The following SPG21 variants were observed in gnomAD, a reference collection of about 807,000 sequenced individuals.
SPG21 encodes SPG21 abhydrolase domain containing, maspardin.
In SPG21, 26 loss-of-function variants were observed where a neutral mutation model predicts 38.9. The observed-to-expected ratio is 0.67, with a 90% confidence interval of 0.49 to 0.93. The LOEUF (loss-of-function observed/expected upper bound fraction) is 0.93. Ranked by LOEUF, SPG21 falls within the 40% of genes least tolerant of loss-of-function variation. SPG21 has a pLI of 0.00. For synonymous variants in SPG21, 136 were observed against 128.9 expected, an observed-to-expected ratio of 1.05 and a Z score of -0.37; for missense variants, 333 against 376.5, an observed-to-expected ratio of 0.88 and a Z score of 0.96.
chr15:64,968,800 C>A (rs2085601257), intron 7 of SPG21, among the ~76,000 whole-genome samples: 5 of 152,134 alleles, frequency 3.3e-5, no homozygotes, highest in Admixed American at 3.3e-4. Flanking sequence ...CTCTTTGCTG[C>A]CCATATATGT....
At chr15:64,968,812 C>T (rs1443014005) in intron 7 of SPG21, among the ~76,000 whole-genome samples, 1 of 152,130 alleles carries the variant, frequency 6.6e-6, no homozygotes, top group Admixed American at 6.6e-5. Context: ...CATATATGTG[C>T]AATATATGGT....
intron 4 of SPG21, among the ~76,000 whole-genome samples, chr15:64,975,715 G>A (rs906339699): frequency 6.6e-6 from 1 of 152,046 alleles, no homozygotes; most frequent in South Asian, 2.1e-4. Context: ...CAACCCAAAT[G>A]TGCATCAGCT....
intron 1 of SPG21, among the ~76,000 whole-genome samples, chr15:64,985,365 T>C (rs2085970769): frequency 6.6e-6 from 1 of 152,188 alleles, no homozygotes; most frequent in African/African-American, 2.4e-5. Context: ...TATCTGTTGA[T>C]TGAACGAATA....
intron 6 of SPG21, 30 bp downstream of exon 6, chr15:64,970,084 G>C: frequency 6.5e-7 from 1 of 1,545,516 alleles, no homozygotes. Context: ...CCAATACAAT[G>C]TGTCCCCAAC....
intron 3 of SPG21, among the ~76,000 whole-genome samples, chr15:64,980,539 C>A (rs999598691): frequency 3.9e-5 from 6 of 152,028 alleles, no homozygotes; most frequent in African/African-American, 1.5e-4. Flanking sequence ...GAGTTCGAGA[C>A]CAGCCTGGCC....
intron 5 of SPG21, among the ~76,000 whole-genome samples, chr15:64,973,701 G>A (rs1354277096): frequency 6.6e-6 from 1 of 152,056 alleles, no homozygotes; most frequent in East Asian, 1.9e-4. Flanking sequence ...CGGCCGCCTC[G>A]GCCTCCCAAA....
chr15:64,977,828 T>C (rs1041707000), intron 3 of SPG21, among the ~76,000 whole-genome samples: 2 of 151,938 alleles, frequency 1.3e-5, no homozygotes, highest in Non-Finnish European at 1.5e-5. Flanking sequence ...GAATTCCTTT[T>C]TTTTGTTTGT....
At chr15:64,971,984 A>G (rs1340601871) in intron 5 of SPG21, among the ~76,000 whole-genome samples, 1 of 152,100 alleles carries the variant, frequency 6.6e-6, no homozygotes, top group Admixed American at 6.5e-5. Flanking sequence ...ATCTTTACGG[A>G]TTTCTATATA....
At chr15:64,985,482 G>T (rs777415822) in intron 1 of SPG21, among the ~76,000 whole-genome samples, 1 of 152,228 alleles carries the variant, frequency 6.6e-6, no homozygotes, top group Non-Finnish European at 1.5e-5. Flanking sequence ...CTTTGCTCAG[G>T]CATCTGTGCT....
intron 1 of SPG21, among the ~76,000 whole-genome samples, chr15:64,988,051 C>T (rs1258253956): frequency 6.6e-6 from 1 of 151,360 alleles, no homozygotes; most frequent in Non-Finnish European, 1.5e-5. Context: ...ACAAACAAAA[C>T]AGCAACAACA....
intron 7 of SPG21, among the ~76,000 whole-genome samples, chr15:64,968,036 T>C (rs1207246734): frequency 6.6e-6 from 1 of 152,146 alleles, no homozygotes; most frequent in Non-Finnish European, 1.5e-5. Context: ...ATTGGTTTTA[T>C]TGGTAGATAT....
In SPG21 at chr15:64,969,310, T is replaced by C. The variant is rs1484159808; in HGVS notation, c.614A>G (p.Gln205Arg). ...ELASRLTLNC[Q>R]NSYVEPHKIR... ...TTTATGAGGTTCCACATAAGAATTT[T>C]GACAATTCAAGGTAAGTCTTGAAGC... The change falls in exon 7 of 9, where the codon CAA becomes CGA. Residue 205 changes from glutamine (Q) to arginine (R), a missense_variant. Transcript: ENST00000204566. 1.2e-6 allele frequency: 2 copies of C among 1,614,054 alleles called. No individual in the cohort carries two copies. Among genetic ancestry groups the C allele is most frequent in the African/African-American group, 2.7e-5 (2 of 74,956 alleles).
intron 8 of SPG21, among the ~76,000 whole-genome samples, chr15:64,964,135 C>T (rs2085500260): frequency 4.6e-5 from 7 of 152,152 alleles, no homozygotes; most frequent in Admixed American, 3.9e-4. Flanking sequence ...GAAAACATCA[C>T]CATAGTGGAC....
Position 64,963,680 on chromosome 15 carries a change from G to T in SPG21, c.867C>A (p.Val289=). ...TCTGCACCTCAAGCTCCTCGGCACT[G>T]ACCATTGATGGGTCAATGGCCGCGT... The part of the protein sequence containing the change: ...TKYAAIDPSM[V]SAEELEVQKG... The change falls in exon 9 of 9, where the codon GTC becomes GTA. Residue 289 remains valine, a synonymous_variant. Coordinates refer to ENST00000204566, the MANE Select transcript of SPG21 (RefSeq NM_016630.7). The T allele has an allele frequency of 6.2e-7, 1 of 1,614,158 alleles. No individual in the cohort carries two copies. Among genetic ancestry groups the T allele is most frequent in the South Asian group, 1.1e-5 (1 of 91,072 alleles).
Position 64,965,454 on chromosome 15 carries a change from C to G in SPG21, c.676G>C (p.Asp226His), listed in dbSNP as rs1362786999. ...GCTTCAGTTGAAAGCGCACTCTGAT[C>G]AAACACCTTTAAAAAACACAAAGCT... ...DIPVTIMDVF[D>H]QSALSTEAKE... Residue 226 changes from aspartate (D) to histidine (H), a missense_variant, in exon 8 of 9, where the codon GAT (aspartate) becomes CAT (histidine). Coordinates refer to ENST00000204566, the MANE Select transcript of SPG21 (RefSeq NM_016630.7). 3.1e-6 allele frequency: 5 copies of G among 1,613,976 alleles called. No individual in the cohort carries two copies. The highest frequency in any genetic ancestry group is 4.2e-6 in the Non-Finnish European group (5 of 1,180,002).
In SPG21 at chr15:64,971,493, C is replaced by T. The variant is rs901352739; in HGVS notation, c.453-1271G>A. ...GATGGAGCTTGCAGTGAGCCAAGAT[C>T]GTGCCATGGCACTCCAGCCTGGGCG... is the stretch of plus-strand genomic sequence containing the variant. On this transcript the variant is annotated intron_variant, in intron 5 of 8. Transcript: ENST00000204566. Among the ~76,000 whole-genome samples, 4 of 151,140 alleles carry T rather than the reference C, an allele frequency of 2.6e-5. No individual in the cohort carries two copies. The South Asian group carries it at 6.2e-4, about 24-fold the overall frequency.
intron 1 of SPG21, among the ~76,000 whole-genome samples, chr15:64,988,253 C>T (rs1477068156): frequency 6.6e-6 from 1 of 152,024 alleles, no homozygotes; most frequent in Non-Finnish European, 1.5e-5. Context: ...ACAAAAAAAC[C>T]TGCCAGTTGT....
chr15:64,974,575 G>T (rs1555400182), intron 5 of SPG21, 27 bp downstream of exon 5: 1 of 1,613,742 alleles, frequency 6.2e-7, no homozygotes, highest in African/African-American at 1.3e-5. Flanking sequence ...AAATTTCACT[G>T]AACAAAAAAA....
intron 8 of SPG21, among the ~76,000 whole-genome samples, chr15:64,963,942 A>G (rs1355121201): frequency 6.6e-6 from 1 of 152,024 alleles, no homozygotes; most frequent in African/African-American, 2.4e-5. Context: ...TTTTTAGTAG[A>G]GACAGGGTTT....
Sources: gnomAD v4.1 joint callset for allele counts (sites outside exome capture counted in the v4.1 genomes callset) on GRCh38, gnomAD v4.1.1 for gene constraint, MANE v1.5 for transcripts, NCBI Gene and HGNC (gene_info 2026-07-23, HGNC 2026-07-21) for gene names.